The following ERC1 variants were observed in gnomAD, a reference collection of about 807,000 sequenced individuals.
ERC1 encodes RAB6 interacting protein 2.
A neutral mutation model predicts 132.0 loss-of-function variants in ERC1; 56 were observed. The observed-to-expected ratio is 0.42, with a 90% confidence interval of 0.34 to 0.53. ERC1 has a LOEUF of 0.53. ERC1 is among the 20% of genes least tolerant of loss of function. The probability of loss-of-function intolerance (pLI) is 0.03; values close to 1 mark genes in which losing one functional copy is unlikely to be tolerated. For missense variants in ERC1, 1,202 were observed against 1,349.9 expected, an observed-to-expected ratio of 0.89 and a Z score of 1.72; for synonymous variants, 478 against 476.1, an observed-to-expected ratio of 1.00 and a Z score of -0.05.
chr12:1,232,552 C>G (rs1450721742), intron 12 of ERC1, among the ~76,000 whole-genome samples: 1 of 151,994 alleles, frequency 6.6e-6, no homozygotes, highest in African/African-American at 2.4e-5. Flanking sequence ...TTTGAGTTCC[C>G]TGATGCTTTC....
chr12:1,394,168 A>T (rs1843359173), intron 16 of ERC1, among the ~76,000 whole-genome samples: 1 of 151,822 alleles, frequency 6.6e-6, no homozygotes, highest in Admixed American at 6.6e-5. Context: ...TGGGAGGCCA[A>T]GGCGGGCAGA....
intron 14 of ERC1, among the ~76,000 whole-genome samples, chr12:1,265,581 T>C (rs1254294237): frequency 2.0e-5 from 3 of 152,212 alleles, no homozygotes; most frequent in Non-Finnish European, 4.4e-5. Flanking sequence ...TGTTATTAAC[T>C]GTGTGGTCCA....
At chr12:1,219,245 G>A (rs1260159556) in intron 12 of ERC1, among the ~76,000 whole-genome samples, 2 of 152,098 alleles carry the variant, frequency 1.3e-5, no homozygotes, top group South Asian at 2.1e-4. Flanking sequence ...AATATACAAG[G>A]TGCTCCAGAA....
At chr12:1,163,302 A>G (rs1952050370) in intron 8 of ERC1, among the ~76,000 whole-genome samples, 1 of 152,118 alleles carries the variant, frequency 6.6e-6, no homozygotes, top group South Asian at 2.1e-4. Context: ...TTTAATTATG[A>G]TATGTTCCTT....
intron 12 of ERC1, among the ~76,000 whole-genome samples, chr12:1,212,367 A>T (rs926466592): frequency 1.3e-5 from 2 of 152,012 alleles, no homozygotes; most frequent in Non-Finnish European, 1.5e-5. Flanking sequence ...ATCCCTTAGG[A>T]AAGTTCAGAT....
chr12:1,075,194 A>AT (rs1302022827), intron 2 of ERC1, among the ~76,000 whole-genome samples: 2 of 152,138 alleles, frequency 1.3e-5, no homozygotes, highest in Non-Finnish European at 2.9e-5. Context: ...AATTATGGAA[A>AT]TTAGAATTCA....
chr12:1,475,620 CAGG>C (rs1351411383), intron 18 of ERC1, among the ~76,000 whole-genome samples: 2 of 152,072 alleles, frequency 1.3e-5, no homozygotes, highest in Non-Finnish European at 2.9e-5. Context: ...AGGTATGTAC[CAGG>C]AGATGAAATT....
chr12:1,124,877 T>C (rs4337096), intron 7 of ERC1, among the ~76,000 whole-genome samples: 1 of 151,956 alleles, frequency 6.6e-6, no homozygotes, highest in African/African-American at 2.4e-5. Context: ...GTTCAAGAGA[T>C]AAGAGAAAAC....
At chr12:1,431,277 T>C (rs1230149437) in intron 17 of ERC1, among the ~76,000 whole-genome samples, 1 of 152,186 alleles carries the variant, frequency 6.6e-6, no homozygotes, top group Non-Finnish European at 1.5e-5. Flanking sequence ...TTCCATCTTT[T>C]GTATTCTGTA....
chr12:1,361,855 G>A (rs1279662284), intron 15 of ERC1, among the ~76,000 whole-genome samples: 1 of 152,196 alleles, frequency 6.6e-6, no homozygotes, highest in Non-Finnish European at 1.5e-5. Context: ...GGGAAAGAGT[G>A]GAAAGAATGT....
intron 2 of ERC1, among the ~76,000 whole-genome samples, chr12:1,063,254 G>A (rs1329273783): frequency 6.7e-6 from 1 of 149,376 alleles, no homozygotes; most frequent in African/African-American, 2.5e-5. Flanking sequence ...ATGTATGTAT[G>A]TATGTATTTA....
chr12:1,407,726 G>A lies in ERC1; in HGVS notation c.2926-423G>A, dbSNP rs186083023. 1.4e-4 allele frequency among the ~76,000 whole-genome samples: 21 copies of A among 152,266 alleles called. No homozygotes were observed. In the East Asian group the frequency reaches 3.9e-3, roughly 28 times the overall value. ...AGAAATCAAGGTAGTGTTTGATTCA[G>A]TTCCTAGTGAAGGTTCTTCCTGGCT... On this transcript the variant is annotated intron_variant, in intron 16 of 18. Transcript: ENST00000360905.
At position 1,444,729 on chromosome 12, in the gene ERC1, G is replaced by T. The variant is rs765754252; in HGVS notation, c.3192G>T (p.Leu1064=). ...ACCAGGCGGCTTGGGAGAATGAGCT[G>T]CAGAAGATGACCCGGGGGCAGGTGA... is the stretch of plus-strand genomic sequence containing the variant. ...DDDQAAWENE[L]QKMTRGQLQD... Residue 1064 remains leucine, a synonymous_variant, in exon 18 of 19, where the codon CTG becomes CTT. Coordinates refer to ENST00000360905, the MANE Select transcript of ERC1 (RefSeq NM_178040.4). The T allele has an allele frequency of 5.0e-6, 8 of 1,613,674 alleles. No homozygotes were observed. In the East Asian group the frequency reaches 1.8e-4, roughly 36 times the overall value.
chr12:1,386,741 GGAA>G (rs2089423666), intron 16 of ERC1: 1 of 151,638 alleles, frequency 6.6e-6, no homozygotes, highest in East Asian at 1.9e-4. Context: ...TCTACATCCA[GGAA>G]GCAGATGATT....
At chr12:1,247,618 A>C (rs558162721) in intron 13 of ERC1, among the ~76,000 whole-genome samples, 1 of 152,264 alleles carries the variant, frequency 6.6e-6, no homozygotes, top group African/African-American at 2.4e-5. Flanking sequence ...CAGGTTAGTT[A>C]GCTCAGGCAT....
intron 7 of ERC1, among the ~76,000 whole-genome samples, chr12:1,133,684 C>A (rs754509880): frequency 1.8e-4 from 28 of 152,118 alleles, no homozygotes; most frequent in Non-Finnish European, 3.5e-4. Flanking sequence ...ACTCTCTTGG[C>A]AAATTTCAGG....
chr12:1,299,477 T>C (rs1390416903), intron 15 of ERC1, among the ~76,000 whole-genome samples: 1 of 152,232 alleles, frequency 6.6e-6, no homozygotes, highest in Non-Finnish European at 1.5e-5. Context: ...TGTGAAGTTT[T>C]GTGTTTCACA....
chr12:996,249 CTTTTTTTTTTTTTT>C (rs35403554), intron 1 of ERC1, among the ~76,000 whole-genome samples: 5 of 43,764 alleles, frequency 1.1e-4, no homozygotes, highest in African/African-American at 1.7e-4. Context: ...CCATGCCTGG[CTTTTTTTTTTTTTT>C]TTTTTTTTTT....
At chr12:1,429,005 A>G (rs962895867) in intron 17 of ERC1, among the ~76,000 whole-genome samples, 7 of 152,348 alleles carry the variant, frequency 4.6e-5, no homozygotes, top group Admixed American at 1.3e-4. Context: ...CAGAGCACAA[A>G]TAGAGGCTTG....
Sources: gnomAD v4.1 joint callset for allele counts (sites outside exome capture counted in the v4.1 genomes callset) on GRCh38, gnomAD v4.1.1 for gene constraint, MANE v1.5 for transcripts, NCBI Gene and HGNC (gene_info 2026-07-23, HGNC 2026-07-21) for gene names.